CDH13: variants seen among roughly 807,000 people sequenced by gnomAD.
CDH13 encodes cadherin 13.
A neutral mutation model predicts 63.8 loss-of-function variants in CDH13; 24 were observed. That is an observed-to-expected ratio of 0.38 (90% CI 0.27 to 0.53). The LOEUF (loss-of-function observed/expected upper bound fraction) is 0.53, where lower values mean the gene tolerates loss of function less well. Ranked by LOEUF, CDH13 falls within the 20% of genes least tolerant of loss-of-function variation. The pLI is 0.85. For synonymous variants in CDH13, 503 were observed against 355.3 expected (o/e 1.42, Z -4.67); for missense variants, 1,049 against 903.1 (o/e 1.16, Z -2.07).
At chr16:83,487,719 CCTT>C (rs10604875) in intron 7 of CDH13, among the ~76,000 whole-genome samples, 25,454 of 152,162 alleles carry the variant, frequency 0.17, 2,436 homozygotes, top group South Asian at 0.25. Flanking sequence ...TTGTCCTTGA[CCTT>C]CTGTAAGAAC....
Position 83,421,979 on chromosome 16 carries a change from A to C in CDH13, c.782-64498A>C, listed in dbSNP as rs147061797. On this transcript the variant is annotated intron_variant, in intron 6 of 13. Transcript: ENST00000567109. ...TTGATGGCATTTCTTACTTTTTAAA[A>C]AACTGTCATATGAACAAGTGTTTAG... Among the ~76,000 whole-genome samples the C allele has an allele frequency of 2.0e-5, 3 of 152,332 alleles. No homozygotes were observed. In the East Asian group the frequency reaches 5.8e-4, roughly 29 times the overall value.
chr16:82,714,588 C>A (rs1376992327), intron 1 of CDH13, among the ~76,000 whole-genome samples: 1 of 151,300 alleles, frequency 6.6e-6, no homozygotes, highest in East Asian at 2.0e-4. Context: ...TTGGCATACA[C>A]CTGTAGTTTC....
chr16:83,506,504 G>A (rs1439655129), intron 7 of CDH13, among the ~76,000 whole-genome samples: 2 of 152,054 alleles, frequency 1.3e-5, no homozygotes, highest in African/African-American at 2.4e-5. Flanking sequence ...ACTCACCCTC[G>A]TTCCAATGGC....
intron 6 of CDH13, among the ~76,000 whole-genome samples, chr16:83,390,551 C>T (rs550635659): frequency 6.6e-6 from 1 of 151,784 alleles, no homozygotes; most frequent in African/African-American, 2.4e-5. Flanking sequence ...ATCATTCCCA[C>T]AGTGATCCTA....
intron 8 of CDH13, among the ~76,000 whole-genome samples, chr16:83,625,655 C>G (rs920053123): frequency 6.6e-6 from 1 of 152,172 alleles, no homozygotes; most frequent in African/African-American, 2.4e-5. Context: ...AGTGGTGGGT[C>G]TCATGCACTT....
chr16:82,681,797 C>T (rs992392098), intron 1 of CDH13, among the ~76,000 whole-genome samples: 5 of 152,238 alleles, frequency 3.3e-5, no homozygotes, highest in Non-Finnish European at 5.9e-5. Flanking sequence ...GAGCAGCACT[C>T]GGGTGAGGAC....
chr16:83,472,528 G>A (rs959430258), intron 6 of CDH13, among the ~76,000 whole-genome samples: 6 of 152,286 alleles, frequency 3.9e-5, no homozygotes, highest in Admixed American at 6.5e-5. Context: ...CCGCTCAGGG[G>A]CGGGACTCAC....
chr16:83,359,127 C>A (rs887077199), intron 6 of CDH13, among the ~76,000 whole-genome samples: 2 of 151,996 alleles, frequency 1.3e-5, no homozygotes, highest in African/African-American at 4.8e-5. Flanking sequence ...TGAGAAAGTA[C>A]CTGTGAGTTC....
intron 10 of CDH13, among the ~76,000 whole-genome samples, chr16:83,741,252 G>T (rs59127102): frequency 0.016 from 2,402 of 152,180 alleles, 63 homozygotes; most frequent in African/African-American, 0.055. Flanking sequence ...TCCTTCAATT[G>T]GGAGTTCTGT....
chr16:83,103,608 T>C (rs1242932993), intron 3 of CDH13, among the ~76,000 whole-genome samples: 3 of 152,168 alleles, frequency 2.0e-5, no homozygotes, highest in African/African-American at 4.8e-5. Context: ...TGGGTGATGG[T>C]CCAGGCTCTG....
chr16:82,955,671 C>G (rs992686354), intron 2 of CDH13, among the ~76,000 whole-genome samples: 2 of 152,168 alleles, frequency 1.3e-5, no homozygotes, highest in African/African-American at 4.8e-5. Context: ...AAAACAGATA[C>G]AATTGTGTTA....
At chr16:82,907,524 G>C (rs1300431744) in intron 2 of CDH13, among the ~76,000 whole-genome samples, 2 of 152,116 alleles carry the variant, frequency 1.3e-5, no homozygotes, top group Non-Finnish European at 2.9e-5. Flanking sequence ...ACCAACAATG[G>C]TCAGTTATAT....
chr16:83,084,738 A>C (rs2033471733), intron 3 of CDH13, among the ~76,000 whole-genome samples: 1 of 152,076 alleles, frequency 6.6e-6, no homozygotes, highest in African/African-American at 2.4e-5. Context: ...AAAATATAAA[A>C]ATTAGCCAGG....
At chr16:83,578,281 C>T (rs1019027733) in intron 7 of CDH13, among the ~76,000 whole-genome samples, 3 of 152,192 alleles carry the variant, frequency 2.0e-5, no homozygotes, top group Non-Finnish European at 4.4e-5. Context: ...CCATTTCTCA[C>T]AGCCGCGGGC....
chr16:83,221,833 G>A (rs1309801877), intron 5 of CDH13, among the ~76,000 whole-genome samples: 1 of 152,090 alleles, frequency 6.6e-6, no homozygotes, highest in Non-Finnish European at 1.5e-5. Context: ...GAAGAGAGGA[G>A]CATATGGAAG....
intron 7 of CDH13, among the ~76,000 whole-genome samples, chr16:83,512,641 C>T (rs1035044163): frequency 6.6e-6 from 1 of 150,430 alleles, no homozygotes; most frequent in African/African-American, 2.4e-5. Flanking sequence ...GCACTCCAGC[C>T]TTGGCAACAG....
At chr16:83,116,424 G>C (rs1365699029) in intron 3 of CDH13, among the ~76,000 whole-genome samples, 1 of 152,194 alleles carries the variant, frequency 6.6e-6, no homozygotes, top group African/African-American at 2.4e-5. Flanking sequence ...CCCTGAGCAT[G>C]GTCCCACCTG....
chr16:83,583,259 T>C (rs1489269506), intron 7 of CDH13, among the ~76,000 whole-genome samples: 1 of 152,176 alleles, frequency 6.6e-6, no homozygotes, highest in Middle Eastern at 3.2e-3. Context: ...TTAACTTAAT[T>C]ACATCTGCAG....
chr16:83,670,141 G>T (rs571536318), intron 8 of CDH13, among the ~76,000 whole-genome samples: 1 of 152,152 alleles, frequency 6.6e-6, no homozygotes, highest in Non-Finnish European at 1.5e-5. Flanking sequence ...TATTAAAACT[G>T]GATATGGAGT....
Sources: allele counts gnomAD v4.1 joint callset (sites outside exome capture counted in the v4.1 genomes callset), GRCh38; gene constraint gnomAD v4.1.1; transcripts MANE v1.5; gene names NCBI Gene and HGNC (gene_info 2026-07-23, HGNC 2026-07-21).